Variants in PDE3A observed in about 807,000 individuals in gnomAD.
PDE3A encodes cGMP-inhibited 3',5'-cyclic phosphodiesterase 3A.
A neutral mutation model predicts 98.3 loss-of-function variants in PDE3A; 43 were observed. That is an observed-to-expected ratio of 0.44 (90% confidence interval 0.34 to 0.56). The LOEUF is 0.56. Among genes scored for constraint, PDE3A ranks in the 20% least tolerant of loss-of-function variants. PDE3A has a pLI of 0.01. For synonymous variants in PDE3A, 663 were observed against 567.9 expected (o/e 1.17, Z -2.38); for missense variants, 1,427 against 1,440.7 (o/e 0.99, Z 0.15).
At chr12:20,541,209 G>A (rs1941899597) in intron 1 of PDE3A, among the ~76,000 whole-genome samples, 1 of 143,380 alleles carries the variant, frequency 7.0e-6, no homozygotes, top group Admixed American at 7.5e-5. Flanking sequence ...CAATCCTCTT[G>A]CCTCAGCATC....
chr12:20,391,673 A>G (rs1381740029), intron 1 of PDE3A, among the ~76,000 whole-genome samples: 1 of 151,672 alleles, frequency 6.6e-6, no homozygotes. Flanking sequence ...TTAAAGGTAG[A>G]GCTCAATTTA....
chr12:20,480,153 G>A (rs1332851398), intron 1 of PDE3A, among the ~76,000 whole-genome samples: 1 of 152,132 alleles, frequency 6.6e-6, no homozygotes, highest in Non-Finnish European at 1.5e-5. Flanking sequence ...TTTGAAGTCA[G>A]AACATGCAAA....
At chr12:20,444,238 T>A (rs1176673523) in intron 1 of PDE3A, among the ~76,000 whole-genome samples, 1 of 152,194 alleles carries the variant, frequency 6.6e-6, no homozygotes, top group Non-Finnish European at 1.5e-5. Context: ...TTTTCTGCTT[T>A]CTTTATCCCT....
intron 15 of PDE3A, among the ~76,000 whole-genome samples, chr12:20,671,237 C>G (rs1464152578): frequency 6.7e-6 from 1 of 148,870 alleles, no homozygotes; most frequent in African/African-American, 2.6e-5. Context: ...AGTCCAGGAC[C>G]AGATGGATTC....
At chr12:20,418,591 AAGAT>A (rs1209174422) in intron 1 of PDE3A, among the ~76,000 whole-genome samples, 1 of 152,172 alleles carries the variant, frequency 6.6e-6, no homozygotes, top group African/African-American at 2.4e-5. Flanking sequence ...ACAGAATGTC[AAGAT>A]AGTTATGTTC....
intron 5 of PDE3A, among the ~76,000 whole-genome samples, chr12:20,624,366 C>A (rs1055404555): frequency 1.3e-5 from 2 of 152,220 alleles, no homozygotes; most frequent in African/African-American, 4.8e-5. Context: ...TTAGGGCAGA[C>A]CCTGGAAATA....
chr12:20,414,931 A>G (rs1260212202), intron 1 of PDE3A, among the ~76,000 whole-genome samples: 1 of 152,232 alleles, frequency 6.6e-6, no homozygotes, highest in African/African-American at 2.4e-5. Context: ...TATGTCAAAC[A>G]TAATACAACT....
intron 1 of PDE3A, among the ~76,000 whole-genome samples, chr12:20,516,086 T>C (rs1420294425): frequency 6.6e-6 from 1 of 151,864 alleles, no homozygotes; most frequent in Non-Finnish European, 1.5e-5. Flanking sequence ...CAGGAGGCCA[T>C]GCCAAGGAAA....
chr12:20,550,653 A>T (rs1353495190), intron 1 of PDE3A, among the ~76,000 whole-genome samples: 1 of 152,082 alleles, frequency 6.6e-6, no homozygotes, highest in Non-Finnish European at 1.5e-5. Flanking sequence ...GTGTACCCAA[A>T]ATTGTGTGCT....
intron 1 of PDE3A, among the ~76,000 whole-genome samples, chr12:20,535,551 T>C (rs985405789): frequency 6.6e-6 from 1 of 152,136 alleles, no homozygotes; most frequent in Non-Finnish European, 1.5e-5. Flanking sequence ...GAAGGTTATT[T>C]TGAGGATTTT....
chr12:20,412,712 G>A (rs181495501), intron 1 of PDE3A, among the ~76,000 whole-genome samples: 18 of 152,180 alleles, frequency 1.2e-4, no homozygotes, highest in East Asian at 5.8e-4. Context: ...GAACTACTCC[G>A]TTTTCCTTAA....
At chr12:20,602,555 T>C (rs1340868899) in intron 2 of PDE3A, among the ~76,000 whole-genome samples, 2 of 152,190 alleles carry the variant, frequency 1.3e-5, no homozygotes, top group Admixed American at 6.5e-5. Context: ...TCTTTGAACA[T>C]CAAAAGAGAA....
intron 1 of PDE3A, among the ~76,000 whole-genome samples, chr12:20,525,636 C>T (rs907453609): frequency 3.9e-5 from 6 of 152,080 alleles, no homozygotes; most frequent in African/African-American, 1.4e-4. Flanking sequence ...ATGATTTACT[C>T]TTAATAGGAT....
chr12:20,570,407 C>CAAAAAAAAAAAAACAAAAAAAA (rs1942772106), intron 2 of PDE3A, among the ~76,000 whole-genome samples: 1 of 43,344 alleles, frequency 2.3e-5, no homozygotes, highest in African/African-American at 1.2e-4. Context: ...GACGCTGTCT[C>CAAAAAAAAAAAAACAAAAAAAA]AAAAAAAAAA....
chr12:20,552,092 G>GC lies in PDE3A; in HGVS notation c.961-4567dup. ...GGTAGTGGTGGTCGAGAGCTTTCCG[G>GC]CAACAAGAGGACCGCGGAACAGTCT... On this transcript the variant is annotated intron_variant, in intron 1 of 15. Coordinates refer to ENST00000359062, the MANE Select transcript of PDE3A (RefSeq NM_000921.5). This position sits in a 1 kb window ranked among gnomAD's most constrained non-coding sequence, Gnocchi z 5.1. 2 of 1,612,836 alleles carry GC rather than the reference G, an allele frequency of 1.2e-6. No individual in the cohort carries two copies. Among genetic ancestry groups the GC allele is most frequent in the Non-Finnish European group, 1.7e-6 (2 of 1,179,904 alleles).
chr12:20,613,363 G>C (rs1012578447), intron 2 of PDE3A, 80 bp from the exon 3 acceptor site: 1 of 1,304,360 alleles, frequency 7.7e-7, no homozygotes, highest in Non-Finnish European at 1.1e-6. Context: ...TCATTTCTTA[G>C]TGAAAAAGTC....
At chr12:20,383,216 T>G (rs956616340) in intron 1 of PDE3A, among the ~76,000 whole-genome samples, 70 of 152,068 alleles carry the variant, frequency 4.6e-4, no homozygotes, top group African/African-American at 1.7e-3. Context: ...GATTTGTGCT[T>G]TAAATTTGAC....
intron 1 of PDE3A, among the ~76,000 whole-genome samples, chr12:20,431,871 T>C (rs1218158895): frequency 2.0e-5 from 3 of 152,196 alleles, no homozygotes; most frequent in Non-Finnish European, 4.4e-5. Context: ...TTGCAGTTGT[T>C]GTAAGGTTCG....
intron 1 of PDE3A, among the ~76,000 whole-genome samples, chr12:20,375,404 A>G (rs1304495540): frequency 2.5e-4 from 38 of 151,884 alleles, no homozygotes; most frequent in Admixed American, 2.5e-3. Flanking sequence ...TGAACTGAGA[A>G]TGTATGTTTG....
Sources: gnomAD v4.1 joint callset for allele counts (sites outside exome capture counted in the v4.1 genomes callset) on GRCh38, gnomAD v4.1.1 for gene constraint, Gnocchi (gnomAD v3.1) non-coding constraint, MANE v1.5 for transcripts, NCBI Gene and HGNC (gene_info 2026-07-23, HGNC 2026-07-21) for gene names.